STK33: variants seen among roughly 807,000 people sequenced by gnomAD.
STK33 encodes the protein serine/threonine-protein kinase 33.
Under a neutral mutation model 58.0 loss-of-function variants are expected in STK33, and 52 were observed. The ratio of observed to expected loss-of-function variants is 0.90; its 90% confidence interval spans 0.72 to 1.13. The LOEUF is 1.13. Among genes scored for constraint, STK33 ranks in the 50% most tolerant of loss-of-function variants. The pLI, the probability that STK33 is intolerant of heterozygous loss-of-function variation, is 0.00. For synonymous variants in STK33, 215 were observed against 200.1 expected, an observed-to-expected ratio of 1.07 and a Z score of -0.63; for missense variants, 630 against 604.2, an observed-to-expected ratio of 1.04 and a Z score of -0.45.
At chr11:8,384,670 T>C in the STK33 span, among the ~76,000 whole-genome samples, 1 of 152,240 alleles carries the variant, frequency 6.6e-6, no homozygotes, top group Non-Finnish European at 1.5e-5. Context: ...CGCTGACGTA[T>C]GCTGTCCTCC....
At chr11:8,527,621 G>A (rs886130928) in intron 1 of STK33, among the ~76,000 whole-genome samples, 1 of 151,980 alleles carries the variant, frequency 6.6e-6, no homozygotes, top group Non-Finnish European at 1.5e-5. Flanking sequence ...CTTTTCTGAG[G>A]GTTTATTTAT....
At chr11:8,535,169 C>T (rs1954897584) in intron 1 of STK33, among the ~76,000 whole-genome samples, 1 of 152,132 alleles carries the variant, frequency 6.6e-6, no homozygotes, top group Non-Finnish European at 1.5e-5. Context: ...CCGATTTTTT[C>T]TAAGCCTCAG....
At chr11:8,399,732 A>G (rs944617428) in intron 15 of STK33, among the ~76,000 whole-genome samples, 27 of 152,214 alleles carry the variant, frequency 1.8e-4, no homozygotes, top group Non-Finnish European at 3.4e-4. Context: ...CAAGACTAAT[A>G]AAGAAGAAAA....
the STK33 span, among the ~76,000 whole-genome samples, chr11:8,349,109 G>A: frequency 6.6e-6 from 1 of 152,156 alleles, no homozygotes; most frequent in Non-Finnish European, 1.5e-5. Flanking sequence ...TTCTCTGGCT[G>A]ATCCCACGGG....
intron 14 of STK33, among the ~76,000 whole-genome samples, chr11:8,432,698 G>T (rs533142678): frequency 2.0e-5 from 3 of 152,190 alleles, no homozygotes; most frequent in Non-Finnish European, 2.9e-5. Flanking sequence ...GCAGCAGGGC[G>T]CTGAGAGAAC....
At chr11:8,367,555 A>C in the STK33 span, among the ~76,000 whole-genome samples, 1 of 152,294 alleles carries the variant, frequency 6.6e-6, no homozygotes, top group African/African-American at 2.4e-5. Context: ...TTGAAGAATG[A>C]GTAGCAACTC....
intron 14 of STK33, among the ~76,000 whole-genome samples, chr11:8,433,487 A>G (rs1943658222): frequency 6.6e-6 from 1 of 152,156 alleles, no homozygotes; most frequent in Admixed American, 6.5e-5. Flanking sequence ...ATGATTCTCA[A>G]ATTTATATCT....
intron 15 of STK33, among the ~76,000 whole-genome samples, chr11:8,412,030 G>A (rs918693335): frequency 1.3e-5 from 2 of 152,070 alleles, no homozygotes; most frequent in Non-Finnish European, 2.9e-5. Flanking sequence ...CATTTGGTTC[G>A]CAAGCATATT....
the STK33 span, among the ~76,000 whole-genome samples, chr11:8,352,714 A>T: frequency 6.6e-6 from 1 of 152,222 alleles, no homozygotes; most frequent in African/African-American, 2.4e-5. Flanking sequence ...AAGTATGGTT[A>T]TGGCTCCTGG....
chr11:8,455,184 C>T (rs896311153), intron 9 of STK33, among the ~76,000 whole-genome samples: 17 of 152,200 alleles, frequency 1.1e-4, no homozygotes, highest in Non-Finnish European at 2.4e-4. Flanking sequence ...TTCCCATATC[C>T]TTCGGTCTTC....
intron 1 of STK33, among the ~76,000 whole-genome samples, chr11:8,520,935 C>T (rs186874229): frequency 1.6e-3 from 243 of 150,428 alleles, no homozygotes; most frequent in African/African-American, 5.4e-3. Flanking sequence ...TAATTTATAA[C>T]GATAATAAAT....
chr11:8,380,003 C>T, the STK33 span, among the ~76,000 whole-genome samples: 28 of 152,254 alleles, frequency 1.8e-4, 1 homozygote, highest in South Asian at 3.5e-3. Flanking sequence ...TGTTTATATA[C>T]CACATTTTCT....
At chr11:8,335,526 C>T in the STK33 span, among the ~76,000 whole-genome samples, 1 of 152,242 alleles carries the variant, frequency 6.6e-6, no homozygotes, top group Admixed American at 6.5e-5. Context: ...CAGTGTCCTC[C>T]CTGTGAAGAT....
chr11:8,527,715 T>G (rs1565280749), intron 1 of STK33, among the ~76,000 whole-genome samples: 1 of 152,138 alleles, frequency 6.6e-6, no homozygotes, highest in East Asian at 1.9e-4. Flanking sequence ...AGAAGAAGTT[T>G]CCATAGACAT....
chr11:8,407,763 C>T (rs925774331), intron 15 of STK33, among the ~76,000 whole-genome samples: 12 of 151,742 alleles, frequency 7.9e-5, no homozygotes, highest in Non-Finnish European at 1.5e-4. Flanking sequence ...ATTGGAGTCT[C>T]AGAAAAAAAA....
At chr11:8,472,974 C>T (rs969511243) in intron 6 of STK33, among the ~76,000 whole-genome samples, 189 bp downstream of exon 6, 5 of 152,154 alleles carry the variant, frequency 3.3e-5, no homozygotes, top group African/African-American at 7.2e-5. Flanking sequence ...TCCACTTGGT[C>T]CTCCATAAAC....
At chr11:8,574,682 T>C (rs926424575) in intron 1 of STK33, among the ~76,000 whole-genome samples, 1 of 152,088 alleles carries the variant, frequency 6.6e-6, no homozygotes, top group African/African-American at 2.4e-5. Flanking sequence ...ACCAATATCC[T>C]TCATGAACCT....
At chr11:8,423,246 T>C (rs1942213828) in intron 14 of STK33, among the ~76,000 whole-genome samples, 1 of 151,814 alleles carries the variant, frequency 6.6e-6, no homozygotes, top group Admixed American at 6.6e-5. Flanking sequence ...TACCTTTGTG[T>C]TCTATTTAGT....
intron 1 of STK33, among the ~76,000 whole-genome samples, chr11:8,551,274 T>A (rs998367659): frequency 1.4e-4 from 21 of 151,938 alleles, no homozygotes; most frequent in African/African-American, 5.1e-4. Context: ...GAACTATAGG[T>A]GCCTACCACC....
Sources: allele counts gnomAD v4.1 joint callset (sites outside exome capture counted in the v4.1 genomes callset), GRCh38; gene constraint gnomAD v4.1.1; transcripts MANE v1.5; gene names NCBI Gene and HGNC (gene_info 2026-07-23, HGNC 2026-07-21).